TPRX1: variants seen among roughly 807,000 people sequenced by gnomAD.
TPRX1 encodes the protein tetra-peptide repeat homeobox protein 1.
A neutral mutation model predicts 8.1 loss-of-function variants in TPRX1; 2 were observed. The ratio of observed to expected loss-of-function variants is 0.25; its 90% CI spans 0.10 to 0.78. The LOEUF is 0.78. TPRX1 is among the 30% of genes least tolerant of loss of function. The pLI is 0.70. For missense variants in TPRX1, 517 were observed against 586.9 expected, an observed-to-expected ratio of 0.88 and a Z score of 1.23; for synonymous variants, 257 against 254.1, an observed-to-expected ratio of 1.01 and a Z score of -0.11.
intron 2 of TPRX1, among the ~76,000 whole-genome samples, chr19:47,810,400 G>C (rs1327419217): frequency 1.6e-5 from 2 of 127,458 alleles, no homozygotes; most frequent in African/African-American, 6.0e-5. Flanking sequence ...CCAGGCTGGA[G>C]TGCAGTGGCC....
At chr19:47,814,340 C>A (rs1179409762) in intron 2 of TPRX1, among the ~76,000 whole-genome samples, 1 of 151,784 alleles carries the variant, frequency 6.6e-6, no homozygotes, top group African/African-American at 2.4e-5. Context: ...CAGGTGTGAG[C>A]CACAGTGCCC....
intron 1 of TPRX1, among the ~76,000 whole-genome samples, chr19:47,818,745 CT>C (rs951891574): frequency 3.0e-4 from 46 of 152,282 alleles, no homozygotes; most frequent in African/African-American, 1.1e-3. Flanking sequence ...TTTAACCCCA[CT>C]TTTTTTGTTT....
At chr19:47,804,781 C>T (rs537689209) in intron 2 of TPRX1, among the ~76,000 whole-genome samples, 24 of 152,342 alleles carry the variant, frequency 1.6e-4, no homozygotes, top group Admixed American at 1.6e-3. Flanking sequence ...GCCTTGGTTT[C>T]ACCCTCATGG....
At chr19:47,802,961 C>G in exon 4 of TPRX1, 2 of 1,539,872 alleles carry the variant, frequency 1.3e-6, no homozygotes, top group East Asian at 2.3e-5. Context: ...TAGTTTGGCG[C>G]GGCGATTCTT....
chr19:47,811,643 C>T (rs991163317), intron 2 of TPRX1, among the ~76,000 whole-genome samples: 1 of 151,740 alleles, frequency 6.6e-6, no homozygotes, highest in Non-Finnish European at 1.5e-5. Flanking sequence ...GGACTACAGT[C>T]ATGCGCCACC....
intron 2 of TPRX1, among the ~76,000 whole-genome samples, 158 bp downstream of exon 1, chr19:47,804,357 A>C (rs1328153207): frequency 6.6e-6 from 1 of 152,054 alleles, no homozygotes; most frequent in Non-Finnish European, 1.5e-5. Flanking sequence ...ACCCAGCTGC[A>C]TGATTTTTCA....
At chr19:47,811,496 C>CTTTTTT in intron 2 of TPRX1, among the ~76,000 whole-genome samples, 2 of 118,520 alleles carry the variant, frequency 1.7e-5, no homozygotes, top group Non-Finnish European at 3.5e-5. Flanking sequence ...TTCATGGCAA[C>CTTTTTT]TTTTTTTTTT....
chr19:47,811,304 G>T (rs1377844816), intron 2 of TPRX1, among the ~76,000 whole-genome samples: 1 of 150,780 alleles, frequency 6.6e-6, no homozygotes, highest in South Asian at 2.1e-4. Context: ...GCACCTGGCC[G>T]GCCCTGAGTT....
At chr19:47,803,098 C>A in intron 3 of TPRX1, 118 bp from the exon 3 acceptor site, 1 of 1,246,098 alleles carries the variant, frequency 8.0e-7, no homozygotes, top group Non-Finnish European at 1.1e-6. Flanking sequence ...CCCCCATCCC[C>A]CACCCCACCA....
intron 2 of TPRX1, among the ~76,000 whole-genome samples, chr19:47,809,264 T>TC (rs1568615851): frequency 6.6e-6 from 1 of 152,132 alleles, no homozygotes; most frequent in Non-Finnish European, 1.5e-5. Flanking sequence ...ATATACATAT[T>TC]CTTTTTTCTT....
At position 47,814,212 on chromosome 19, in the gene TPRX1, C is replaced by G. The variant is rs550792305; in HGVS notation, c.151+4256G>C. ...CTGGGAATACAGGCACCCACCACTA[C>G]GCAGAGCATATTTTCGTATTTCAGT... On this transcript the variant is annotated intron_variant, in intron 2 of 3. Transcript: ENST00000535759. 9.6e-4 allele frequency among the ~76,000 whole-genome samples: 146 copies of G among 151,996 alleles called. 1 individual carries two copies. The highest frequency in any genetic ancestry group is 2.6e-4 in the Non-Finnish European group (18 of 68,004).
At chr19:47,815,131 T>TATATATATGCAA (rs1555800039) in intron 2 of TPRX1, among the ~76,000 whole-genome samples, 14 of 111,474 alleles carry the variant, frequency 1.3e-4, no homozygotes, top group African/African-American at 5.2e-4. Flanking sequence ...TATATATATA[T>TATATATATGCAA]ATATATATAT....
At chr19:47,812,266 C>T (rs1324609835) in intron 2 of TPRX1, among the ~76,000 whole-genome samples, 1 of 152,052 alleles carries the variant, frequency 6.6e-6, no homozygotes, top group Non-Finnish European at 1.5e-5. Flanking sequence ...TCAGGGAACT[C>T]GTTGTTCAAG....
intron 1 of TPRX1, chr19:47,818,665 A>G (rs1020693104): frequency 7.4e-5 from 30 of 403,102 alleles, no homozygotes; most frequent in Non-Finnish European, 1.4e-4. Context: ...TAGAGCCTGG[A>G]GTGAAACTCA....
intron 2 of TPRX1, among the ~76,000 whole-genome samples, chr19:47,806,271 C>A (rs947650766): frequency 1.3e-5 from 2 of 151,902 alleles, no homozygotes; most frequent in Non-Finnish European, 2.9e-5. Context: ...GTAATCCCAG[C>A]ACTTTGGGAG....
intron 2 of TPRX1, among the ~76,000 whole-genome samples, chr19:47,817,050 G>A (rs1266960745): frequency 6.6e-6 from 1 of 152,210 alleles, no homozygotes; most frequent in Non-Finnish European, 1.5e-5. Context: ...CCCAAGGCTA[G>A]TTCTCAGAGC....
At chr19:47,818,509 T>G (rs1204959477) in exon 2 of TPRX1, 1 of 455,978 alleles carries the variant, frequency 2.2e-6, no homozygotes, top group Admixed American at 2.4e-5. Context: ...GGAATACAGC[T>G]GAGAACAAGA....
chr19:47,807,276 C>T (rs574668786), intron 2 of TPRX1, among the ~76,000 whole-genome samples: 13 of 152,214 alleles, frequency 8.5e-5, no homozygotes, highest in South Asian at 8.3e-4. Flanking sequence ...AGTCTCGTCT[C>T]GAACTCCTGA....
rs1001149556 is a variant in TPRX1, at chr19:47,803,036, T to A, written c.322-56A>T. The A allele has an allele frequency of 5.4e-6, 8 of 1,487,228 alleles. No homozygotes were observed. In the Admixed American group the frequency reaches 1.8e-4, roughly 33 times the overall value. 92.1% of individuals were successfully genotyped at this position (1,487,228 alleles called of 1,614,324 possible). On this transcript the variant is annotated intron_variant, in intron 3 of 3. Transcript: ENST00000535759. ...TGAAGGAGGGGCTCGCGCGGCCCAG[T>A]GAGCCTTTTGGGGTCGGGGCCAGCC...
Sources: allele counts gnomAD v4.1 joint callset (sites outside exome capture counted in the v4.1 genomes callset), GRCh38; gene constraint gnomAD v4.1.1; transcripts MANE v1.5; gene names NCBI Gene and HGNC (gene_info 2026-07-23, HGNC 2026-07-21).